The following GAS2 variants were observed in gnomAD, a reference collection of about 807,000 sequenced individuals.
The protein encoded by GAS2 is growth arrest specific 2, also known as growth arrest-specific protein 2.
A neutral mutation model predicts 37.5 loss-of-function variants in GAS2; 20 were observed. That is an observed-to-expected ratio of 0.53 (90% confidence interval 0.37 to 0.77). The LOEUF (loss-of-function observed/expected upper bound fraction) is 0.77, where lower values mean the gene tolerates loss of function less well. GAS2 is among the 30% of genes least tolerant of loss of function. The pLI, the probability that GAS2 is intolerant of heterozygous loss-of-function variation, is 0.00. For synonymous variants in GAS2, 144 were observed against 132.2 expected, an observed-to-expected ratio of 1.09 and a Z score of -0.61; for missense variants, 336 against 373.4, an observed-to-expected ratio of 0.90 and a Z score of 0.82.
chr11:22,812,288 C>A lies in GAS2; in HGVS notation c.*272C>A. The A allele has an allele frequency of 6.2e-6, 2 of 322,468 alleles. No homozygotes were observed. Among genetic ancestry groups the A allele is most frequent in the Non-Finnish European group, 1.1e-5 (2 of 175,044 alleles). 20.0% of individuals were successfully genotyped at this position (322,468 alleles called of 1,614,324 possible). A position where few individuals can be genotyped will look rare whatever the true frequency, so the allele number is the denominator to read the frequency against. ...ATATGCGAACACAGTATTTAGAACA[C>A]AATATTAGAAACACAATTCTAACTA... On this transcript the variant is annotated 3_prime_UTR_variant, in exon 8 of 8. Coordinates refer to ENST00000454584, the MANE Select transcript of GAS2 (RefSeq NM_001143830.3).
intron 3 of GAS2, among the ~76,000 whole-genome samples, chr11:22,713,077 A>AG (rs1300621576): frequency 2.6e-5 from 4 of 150,974 alleles, no homozygotes; most frequent in African/African-American, 9.7e-5. Flanking sequence ...AAAAAAAAAA[A>AG]AAAGAAAAGA....
chr11:22,647,091 G>C (rs1331682479), intron 1 of GAS2, among the ~76,000 whole-genome samples: 2 of 90,266 alleles, frequency 2.2e-5, no homozygotes, highest in Non-Finnish European at 4.1e-5. Context: ...CCCCACAACA[G>C]TCCCCAGAGT....
intron 5 of GAS2, 22 bp downstream of exon 5, chr11:22,737,790 A>C: frequency 6.2e-7 from 1 of 1,607,964 alleles, no homozygotes; most frequent in Non-Finnish European, 8.5e-7. Context: ...CACTGCAACT[A>C]TGTCAAGACA....
At chr11:22,769,926 G>T (rs1854888331) in intron 7 of GAS2, among the ~76,000 whole-genome samples, 1 of 152,160 alleles carries the variant, frequency 6.6e-6, no homozygotes, top group African/African-American at 2.4e-5. Context: ...TGCGGTTTTT[G>T]CCATGGAAAC....
At chr11:22,755,687 G>A in intron 6 of GAS2, 159 bp from the exon 7 acceptor site, 1 of 554,998 alleles carries the variant, frequency 1.8e-6, no homozygotes, top group Admixed American at 3.3e-5. Flanking sequence ...ACTTTACATG[G>A]TTATGATTTA....
rs566005709 is a variant in GAS2 at position 22,633,429 on chromosome 11, G to T, written c.-21+7616G>T. ...TGTGAGCAGGTTTACTGTCTCCTATGGGGCCAGAATGACAAAGATGTCACA... is the reference window on the plus strand; with the variant it reads ...TGTGAGCAGGTTTACTGTCTCCTATTGGGCCAGAATGACAAAGATGTCACA... On this transcript the variant is annotated intron_variant, in intron 1 of 5. Transcript: ENST00000528582. Among the ~76,000 whole-genome samples the T allele has an allele frequency of 1.2e-3, 190 of 152,230 alleles. 1 individual carries two copies. The highest frequency in any genetic ancestry group is 2.2e-3 in the Non-Finnish European group (150 of 68,006).
At chr11:22,676,231 C>T (rs772676211) in intron 2 of GAS2, among the ~76,000 whole-genome samples, 14 of 152,128 alleles carry the variant, frequency 9.2e-5, no homozygotes, top group Non-Finnish European at 1.5e-4. Flanking sequence ...GAAGGGGCTA[C>T]ACCTTTCAGT....
At chr11:22,675,132 T>G in intron 2 of GAS2, 118 bp downstream of exon 2, 1 of 1,027,608 alleles carries the variant, frequency 9.7e-7, no homozygotes, top group Non-Finnish European at 1.4e-6. Flanking sequence ...ACTTTTATTA[T>G]TTGACATTTG....
intron 6 of GAS2, 127 bp downstream of exon 6, chr11:22,749,388 C>A (rs940910085): frequency 4.8e-6 from 4 of 841,146 alleles, no homozygotes; most frequent in African/African-American, 3.5e-5. Flanking sequence ...ATTTTAAGCC[C>A]ATATGAAAAA....
intron 7 of GAS2, among the ~76,000 whole-genome samples, chr11:22,757,558 T>G (rs1554904263): frequency 6.6e-6 from 1 of 152,228 alleles, no homozygotes; most frequent in Non-Finnish European, 1.5e-5. Flanking sequence ...GGTTATTCAC[T>G]GATTAGTCCA....
chr11:22,641,615 G>A (rs980044154), intron 1 of GAS2, among the ~76,000 whole-genome samples: 2 of 151,590 alleles, frequency 1.3e-5, no homozygotes, highest in Non-Finnish European at 2.9e-5. Flanking sequence ...CCTAGCTGCT[G>A]TAACACACCT....
intron 7 of GAS2, among the ~76,000 whole-genome samples, chr11:22,806,587 T>C (rs1483042834): frequency 6.6e-6 from 1 of 152,208 alleles, no homozygotes; most frequent in Admixed American, 6.5e-5. Context: ...AAAGGTTCCC[T>C]TTTCTCCACA....
intron 1 of GAS2, among the ~76,000 whole-genome samples, chr11:22,652,378 A>G (rs337509): frequency 0.99 from 151,048 of 152,332 alleles, 74,911 homozygotes; most frequent in Middle Eastern, 1. Context: ...CTTTTTGTTT[A>G]TCTCTGCCCT....
At chr11:22,761,070 T>C (rs1198814977) in intron 7 of GAS2, among the ~76,000 whole-genome samples, 1 of 152,178 alleles carries the variant, frequency 6.6e-6, no homozygotes, top group African/African-American at 2.4e-5. Flanking sequence ...TTTACTATTT[T>C]CTCTCTCCAT....
intron 7 of GAS2, among the ~76,000 whole-genome samples, chr11:22,786,699 A>T (rs923116682): frequency 5.9e-5 from 9 of 152,142 alleles, no homozygotes; most frequent in African/African-American, 1.9e-4. Flanking sequence ...CTGACAATGA[A>T]GTTACAAAAT....
intron 6 of GAS2, among the ~76,000 whole-genome samples, chr11:22,753,113 T>C (rs1566379): frequency 6.6e-5 from 10 of 152,198 alleles, no homozygotes; most frequent in Admixed American, 6.6e-4. Context: ...TGAGAGATAG[T>C]ATAATTCTGA....
At chr11:22,793,830 G>T (rs1408610183) in intron 7 of GAS2, among the ~76,000 whole-genome samples, 2 of 152,128 alleles carry the variant, frequency 1.3e-5, no homozygotes, top group Admixed American at 6.5e-5. Flanking sequence ...AACATTAAAG[G>T]ATAAAGTGAA....
intron 2 of GAS2, 86 bp downstream of exon 2, chr11:22,675,100 T>A: frequency 7.9e-7 from 1 of 1,269,218 alleles, no homozygotes; most frequent in Non-Finnish European, 1.1e-6. Context: ...CCTAAGCATG[T>A]GATAGCACCT....
intron 1 of GAS2, among the ~76,000 whole-genome samples, chr11:22,644,349 A>G (rs536731872): frequency 6.6e-6 from 1 of 152,296 alleles, no homozygotes; most frequent in African/African-American, 2.4e-5. Flanking sequence ...TTTCATTGCA[A>G]TATCACAGAG....
Sources: allele counts gnomAD v4.1 joint callset (sites outside exome capture counted in the v4.1 genomes callset), GRCh38; gene constraint gnomAD v4.1.1; transcripts MANE v1.5; gene names NCBI Gene and HGNC (gene_info 2026-07-23, HGNC 2026-07-21).